TMEM116: variants seen among roughly 807,000 people sequenced by gnomAD.
The protein encoded by TMEM116 is transmembrane protein 116.
Under a neutral mutation model 44.3 loss-of-function variants are expected in TMEM116, and 38 were observed. The observed-to-expected ratio is 0.86, with a 90% CI of 0.66 to 1.12. TMEM116 has a LOEUF of 1.12. Ranked by LOEUF, TMEM116 falls within the 50% of genes most tolerant of loss-of-function variation. The probability of loss-of-function intolerance (pLI) is 0.00; values close to 1 mark genes in which losing one functional copy is unlikely to be tolerated. For missense variants in TMEM116, 354 were observed against 401.7 expected (o/e 0.88, Z 1.01); for synonymous variants, 132 against 144.8 (o/e 0.91, Z 0.64).
chr12:111,998,199 C>G (rs1433218052), intron 3 of TMEM116, among the ~76,000 whole-genome samples: 3 of 152,068 alleles, frequency 2.0e-5, no homozygotes, highest in African/African-American at 7.2e-5. Flanking sequence ...TTTTGGGAGT[C>G]GGCAAACTCT....
intron 5 of TMEM116, among the ~76,000 whole-genome samples, chr12:111,940,476 T>TACACACAC (rs1276384412): frequency 2.0e-5 from 2 of 98,804 alleles, no homozygotes; most frequent in Non-Finnish European, 3.7e-5. Context: ...TATATATATA[T>TACACACAC]ACATACACAC....
chr12:111,960,195 C>CAGT, intron 4 of TMEM116, among the ~76,000 whole-genome samples: 1 of 152,196 alleles, frequency 6.6e-6, no homozygotes, highest in East Asian at 1.9e-4. Flanking sequence ...GATTAAGAAA[C>CAGT]TCACTCAGAA....
intron 4 of TMEM116, among the ~76,000 whole-genome samples, chr12:111,957,702 G>C (rs2074252875): frequency 6.6e-6 from 1 of 151,022 alleles, no homozygotes; most frequent in Non-Finnish European, 1.5e-5. Flanking sequence ...AGGTGGGGGG[G>C]CCCCTCTGCC....
At chr12:111,964,663 C>CT (rs2074864827) in intron 4 of TMEM116, among the ~76,000 whole-genome samples, 2 of 152,058 alleles carry the variant, frequency 1.3e-5, no homozygotes, top group Non-Finnish European at 2.9e-5. Context: ...CAAAGTGTGG[C>CT]AACAGTTTAC....
At chr12:112,003,932 T>C in intron 2 of TMEM116, 69 bp from the exon 3 acceptor site, 1 of 1,421,952 alleles carries the variant, frequency 7.0e-7, no homozygotes, top group Non-Finnish European at 9.1e-7. Flanking sequence ...TGTTATTAAT[T>C]TTGGGTTTTT....
At chr12:111,971,377 G>C (rs1030633294) in intron 4 of TMEM116, among the ~76,000 whole-genome samples, 2 of 152,016 alleles carry the variant, frequency 1.3e-5, no homozygotes, top group African/African-American at 2.4e-5. Context: ...ATTGGGAGAA[G>C]AGAAATGAAA....
At chr12:111,974,653 G>A (rs1414188116) in intron 4 of TMEM116, among the ~76,000 whole-genome samples, 16 of 118,970 alleles carry the variant, frequency 1.3e-4, no homozygotes, top group South Asian at 5.1e-4. Flanking sequence ...AGACTCTGTC[G>A]CAAAAAAAAA....
intron 4 of TMEM116, among the ~76,000 whole-genome samples, chr12:111,976,428 C>T (rs971200203): frequency 2.0e-5 from 3 of 151,936 alleles, no homozygotes; most frequent in African/African-American, 7.2e-5. Flanking sequence ...TGCAGTGAGC[C>T]GAGATTGCGC....
At chr12:112,000,768 A>G (rs1021944816) in intron 3 of TMEM116, 28 of 537,636 alleles carry the variant, frequency 5.2e-5, no homozygotes, top group Admixed American at 4.7e-4. Context: ...CACAATTGCA[A>G]TTGAGTTTAC....
intron 3 of TMEM116, among the ~76,000 whole-genome samples, chr12:111,997,430 G>A (rs1005327026): frequency 4.6e-5 from 7 of 152,014 alleles, no homozygotes; most frequent in African/African-American, 7.2e-5. Flanking sequence ...CTATAGTGGC[G>A]TGCACCTGTA....
intron 4 of TMEM116, among the ~76,000 whole-genome samples, chr12:111,977,438 T>G (rs897950992): frequency 1.3e-5 from 2 of 152,154 alleles, no homozygotes; most frequent in African/African-American, 4.8e-5. Context: ...GCCACTGAAT[T>G]GTACACTTTA....
rs559181793 is a variant in TMEM116, at chr12:111,973,269, A to G, written c.210+18489T>C. Among the ~76,000 whole-genome samples, 3 of 152,392 alleles carry G rather than the reference A, an allele frequency of 2.0e-5. No individual in the cohort carries two copies. The South Asian group carries it at 6.2e-4, about 32-fold the overall frequency. ...TCCCCAAATATTTGGAAACTAAATT[A>G]TACACTTCTAAATAACTAAACAATT... On this transcript the variant is annotated intron_variant, in intron 4 of 10. Transcript: ENST00000552374.
intron 1 of TMEM116, among the ~76,000 whole-genome samples, chr12:112,008,884 A>T (rs887296492): frequency 1.3e-5 from 2 of 151,768 alleles, no homozygotes; most frequent in Non-Finnish European, 2.9e-5. Context: ...CTGAGGCAGG[A>T]GAATTGCTTG....
At chr12:111,966,121 C>T (rs891996608) in intron 4 of TMEM116, among the ~76,000 whole-genome samples, 11 of 152,024 alleles carry the variant, frequency 7.2e-5, no homozygotes, top group South Asian at 2.1e-4. Flanking sequence ...GTCTGGCCAA[C>T]GTGGCAAAAC....
At position 111,931,727 on chromosome 12, in the gene TMEM116, T is replaced by C; in HGVS notation, c.908A>G (p.Asp303Gly). The C allele has an allele frequency of 6.2e-7, 1 of 1,613,528 alleles. No homozygotes were observed. Among genetic ancestry groups the C allele is most frequent in the Non-Finnish European group, 8.5e-7 (1 of 1,179,804 alleles). The change falls in exon 11 of 11, where the codon GAT (aspartate) becomes GGT (glycine). Residue 303 changes from aspartate to glycine, a missense_variant. Coordinates refer to ENST00000552374, the MANE Select transcript of TMEM116 (RefSeq NM_001193531.2). ...TGAGCATAATAATGGTGTCTGGGTA[T>C]CTGCATCACGCCGAGCCTCCTGCTT... ...QLKQEARRDADTQTPLLCSQK... is the reference protein window; with the variant it reads ...QLKQEARRDAGTQTPLLCSQK...
intron 4 of TMEM116, among the ~76,000 whole-genome samples, chr12:111,970,927 C>G (rs989766916): frequency 6.6e-6 from 1 of 152,028 alleles, no homozygotes. Flanking sequence ...AACATAAAAG[C>G]AACCAGAGAG....
chr12:111,943,394 T>A, intron 4 of TMEM116, 25 bp from the exon 5 acceptor site: 4 of 1,509,028 alleles, frequency 2.7e-6, no homozygotes, highest in Non-Finnish European at 3.7e-6. Context: ...AAACAACCCA[T>A]CATAACTATC....
intron 4 of TMEM116, among the ~76,000 whole-genome samples, chr12:111,983,341 C>T (rs1020382475): frequency 3.3e-4 from 50 of 151,872 alleles, no homozygotes; most frequent in African/African-American, 1.2e-3. Flanking sequence ...GAGGCTGAGG[C>T]AGGAGAATCG....
intron 2 of TMEM116, 87 bp from the exon 3 acceptor site, chr12:112,003,950 T>C: frequency 7.1e-7 from 1 of 1,406,466 alleles, no homozygotes; most frequent in Non-Finnish European, 9.2e-7. Context: ...TTTTTTACAG[T>C]TTTATTGGCA....
Sources: gnomAD v4.1 joint callset for allele counts (sites outside exome capture counted in the v4.1 genomes callset) on GRCh38, gnomAD v4.1.1 for gene constraint, MANE v1.5 for transcripts, NCBI Gene and HGNC (gene_info 2026-07-23, HGNC 2026-07-21) for gene names.